Variants in DMTN observed in about 807,000 individuals in gnomAD.
The protein encoded by DMTN is dematin.
DMTN carries 27 observed loss-of-function variants against 59.4 expected under a neutral mutation model. The ratio of observed to expected loss-of-function variants is 0.45; its 90% CI spans 0.33 to 0.63. DMTN has a LOEUF of 0.63. DMTN is among the 20% of genes least tolerant of loss of function. DMTN has a pLI of 0.02. For missense variants in DMTN, 451 were observed against 528.9 expected (o/e 0.85, Z 1.45); for synonymous variants, 221 against 203.7 (o/e 1.08, Z -0.72).
At position 22,066,772 on chromosome 8, in the gene DMTN, C is replaced by T; in HGVS notation, c.-104C>T. ...GGGAACGCGCCAGCTGCTTTCGCGG[C>T]CCCAAGCGCGCAGCGCCCAGCAGCC... On this transcript the variant is annotated 5_prime_UTR_variant, in exon 2 of 16. Coordinates refer to ENST00000358242, the MANE Select transcript of DMTN (RefSeq NM_001387751.1). The T allele has an allele frequency of 7.8e-7, 1 of 1,289,228 alleles. No homozygotes were observed. Among genetic ancestry groups the T allele is most frequent in the South Asian group, 1.6e-5 (1 of 61,384 alleles). The allele number at this position is 1,289,228 out of a possible 1,614,324, so 79.9% of individuals were successfully genotyped here. A position where few individuals can be genotyped will look rare whatever the true frequency, so the allele number is the denominator to read the frequency against.
At chr8:22,079,610 A>G (rs1456145016) in intron 10 of DMTN, among the ~76,000 whole-genome samples, 2 of 151,898 alleles carry the variant, frequency 1.3e-5, no homozygotes, top group Non-Finnish European at 2.9e-5. Flanking sequence ...TCTCTATTAA[A>G]AATTTTTGGC....
Position 22,060,058 on chromosome 8 carries a change from C to T in DMTN, c.-172+2922C>T, listed in dbSNP as rs982873787. 1.1e-4 allele frequency among the ~76,000 whole-genome samples: 17 copies of T among 152,044 alleles called. No individual in the cohort carries two copies. The highest frequency in any genetic ancestry group is 3.9e-4 in the African/African-American group (16 of 41,396). On this transcript the variant is annotated intron_variant, in intron 1 of 15. Coordinates refer to ENST00000358242, the MANE Select transcript of DMTN (RefSeq NM_001387751.1). The surrounding 1 kb of genome is among the most constrained non-coding windows in gnomAD (Gnocchi z 5.0). ...GGGAGGGTGGGGCTGAGATGGAGGG[C>T]GAGCGGCTGGCTGGCGTCCGACCAG...
At chr8:22,054,268 C>A (rs1165105626), upstream of DMTN, among the ~76,000 whole-genome samples, 1 of 149,580 alleles carries the variant, frequency 6.7e-6, no homozygotes, top group Non-Finnish European at 1.5e-5. Context: ...CCAAGGTGGC[C>A]CGCCCGCCCC....
upstream of DMTN, among the ~76,000 whole-genome samples, chr8:22,050,834 G>T (rs142890909): frequency 1.3e-5 from 2 of 152,132 alleles, no homozygotes; most frequent in Admixed American, 1.3e-4. Context: ...ACCTCTCGGC[G>T]CCTCTGCCCA....
At chr8:22,075,923 C>A (rs1010113407) in intron 10 of DMTN, among the ~76,000 whole-genome samples, 1 of 152,192 alleles carries the variant, frequency 6.6e-6, no homozygotes, top group South Asian at 2.1e-4. Flanking sequence ...CTACCACACT[C>A]TCCAATAGAC....
upstream of DMTN, chr8:22,054,728 T>A (rs1801845209): frequency 6.5e-6 from 1 of 152,720 alleles, no homozygotes; most frequent in African/African-American, 2.4e-5. Flanking sequence ...GGGTACTTGG[T>A]GGGGTTCACT....
At chr8:22,076,987 G>T (rs1361152785) in intron 10 of DMTN, among the ~76,000 whole-genome samples, 1 of 152,132 alleles carries the variant, frequency 6.6e-6, no homozygotes, top group Non-Finnish European at 1.5e-5. Flanking sequence ...GAGGGGAGGA[G>T]AAACGTGCGA....
upstream of DMTN, among the ~76,000 whole-genome samples, chr8:22,049,726 A>G (rs931131465): frequency 1.3e-5 from 2 of 151,264 alleles, no homozygotes; most frequent in African/African-American, 4.9e-5. Context: ...CCCTTCCCTC[A>G]CTGAGTCCTC....
chr8:22,080,061 C>G, intron 10 of DMTN, 119 bp from the exon 11 acceptor site: 3 of 1,117,692 alleles, frequency 2.7e-6, no homozygotes, highest in Non-Finnish European at 4.0e-6. Context: ...CCACCAGGTT[C>G]CCCCCAGCGT....
chr8:22,067,154 A>T lies in DMTN; in HGVS notation c.88A>T (p.Ile30Phe), dbSNP rs1279468389. 6.2e-7 allele frequency: 1 copy of T among 1,608,030 alleles called. No individual in the cohort carries two copies. The highest frequency in any genetic ancestry group is 1.3e-5 in the African/African-American group (1 of 74,232). The change falls in exon 3 of 16, where the codon ATC becomes TTC. Residue 30 changes from isoleucine (I) to phenylalanine (F), a missense_variant. Physicochemically the swap from Ile to Phe is conservative, Grantham distance 21. Transcript: ENST00000358242. ...CAGTGTGCCTGGCTCTCCCTCCAGC[A>T]TCGTGGTGAGTACCCCTCTCGGCCA... The part of the protein sequence containing the change: ...DSSVPGSPSS[I>F]VAKMDNQVLG...
In DMTN at chr8:22,081,982, C is replaced by T; in HGVS notation, c.*519C>T. ...CCAGCTCAGCCTCCGGCAGGGAGGTCACCCCTCCACTTCAGCTTGCCCTGA... is the reference window on the plus strand; with the variant it reads ...CCAGCTCAGCCTCCGGCAGGGAGGTTACCCCTCCACTTCAGCTTGCCCTGA... On this transcript the variant is annotated 3_prime_UTR_variant, in exon 16 of 16. Coordinates refer to ENST00000358242, the MANE Select transcript of DMTN (RefSeq NM_001387751.1). 4.4e-6 allele frequency: 2 copies of T among 456,416 alleles called. No individual in the cohort carries two copies. The highest frequency in any genetic ancestry group is 8.8e-6 in the Non-Finnish European group (2 of 226,906). The allele number at this position is 456,416 out of a possible 1,614,324, so 28.3% of individuals were successfully genotyped here. A position where few individuals can be genotyped will look rare whatever the true frequency, so the allele number is the denominator to read the frequency against.
intron 10 of DMTN, among the ~76,000 whole-genome samples, chr8:22,078,359 T>C (rs1821249249): frequency 7.1e-6 from 1 of 140,196 alleles, no homozygotes; most frequent in South Asian, 2.1e-4. Context: ...AGTGAGACTC[T>C]GTATCAAAAA....
Position 22,069,511 on chromosome 8 carries a change from C to A in DMTN, c.387C>A (p.His129Gln). 6.3e-7 allele frequency: 1 copy of A among 1,596,626 alleles called. No homozygotes were observed. The highest frequency in any genetic ancestry group is 8.5e-7 in the Non-Finnish European group (1 of 1,172,208). ...GTPRTSLPHF[H>Q]HPETSRPDSN... ...CCCGGACCAGCCTGCCCCATTTCCACCACCCTGGTAGGTCTTCTCGGCACG... is the reference window on the plus strand; with the variant it reads ...CCCGGACCAGCCTGCCCCATTTCCAACACCCTGGTAGGTCTTCTCGGCACG... Residue 129 changes from histidine (H) to glutamine (Q), a missense_variant, in exon 6 of 16, where the codon CAC (histidine) becomes CAA (glutamine). Coordinates refer to ENST00000358242, the MANE Select transcript of DMTN (RefSeq NM_001387751.1).
chr8:22,060,204 C>CGGAGG lies in DMTN; in HGVS notation c.-172+3069_-172+3073dup, dbSNP rs1296273224. ...CTCGCCCTTTCTATCTCTTTGTGCACGGAGGTCGCTGGGACCTTGGGGATG... is the reference window on the plus strand; with the variant it reads ...CTCGCCCTTTCTATCTCTTTGTGCACGGAGGGGAGGTCGCTGGGACCTTGGGGATG... On this transcript the variant is annotated intron_variant, in intron 1 of 15. Transcript: ENST00000358242. This position sits in a 1 kb window ranked among gnomAD's most constrained non-coding sequence, Gnocchi z 5.0. 6.6e-6 allele frequency among the ~76,000 whole-genome samples: 1 copy of CGGAGG among 152,030 alleles called. No individual in the cohort carries two copies. Among genetic ancestry groups the CGGAGG allele is most frequent in the Admixed American group, 6.6e-5 (1 of 15,234 alleles).
In DMTN at chr8:22,082,444, T is replaced by C; in HGVS notation, c.*981T>C. 1 of 344,038 alleles carries C rather than the reference T, an allele frequency of 2.9e-6. No homozygotes were observed. Among genetic ancestry groups the C allele is most frequent in the Non-Finnish European group, 5.8e-6 (1 of 172,272 alleles). The allele number at this position is 344,038 out of a possible 1,614,324, so 21.3% of individuals were successfully genotyped here. A position where few individuals can be genotyped will look rare whatever the true frequency, so the allele number is the denominator to read the frequency against. The stretch of plus-strand genomic sequence containing the variant: ...CTGGGTATTGCTCCTGCCCAGACCC[T>C]GACATCCCTTTCCACTGTGTGTGTG... On this transcript the variant is annotated 3_prime_UTR_variant, in exon 16 of 16. Transcript: ENST00000358242.
intron 10 of DMTN, among the ~76,000 whole-genome samples, chr8:22,079,159 C>T (rs1822042693): frequency 6.6e-6 from 1 of 150,842 alleles, no homozygotes; most frequent in Admixed American, 6.6e-5. Context: ...CCTATAATCT[C>T]AGCACTTTGG....
chr8:22,080,714 CA>C, intron 13 of DMTN, 89 bp downstream of exon 13: 1 of 1,582,204 alleles, frequency 6.3e-7, no homozygotes, highest in Non-Finnish European at 8.6e-7. Flanking sequence ...TGTGGGGCCA[CA>C]GAGTTGCCTG....
At chr8:22,080,701 G>A (rs966061621) in intron 13 of DMTN, 76 bp downstream of exon 13, 6 of 1,582,518 alleles carry the variant, frequency 3.8e-6, no homozygotes, top group Non-Finnish European at 5.2e-6. Context: ...AGGGGAAGGG[G>A]GGTGTGGGGC....
At chr8:22,070,390 C>T (rs1814384626) in intron 8 of DMTN, 56 bp downstream of exon 8, 1 of 1,535,448 alleles carries the variant, frequency 6.5e-7, no homozygotes, top group African/African-American at 1.4e-5. Flanking sequence ...GCACTCCCTC[C>T]CCTTGGCTCT....
Sources: gnomAD v4.1 joint callset for allele counts (sites outside exome capture counted in the v4.1 genomes callset) on GRCh38, gnomAD v4.1.1 for gene constraint, Gnocchi (gnomAD v3.1) non-coding constraint, MANE v1.5 for transcripts, NCBI Gene and HGNC (gene_info 2026-07-23, HGNC 2026-07-21) for gene names.